Variants in OSBPL1A observed in about 807,000 individuals in gnomAD.
OSBPL1A encodes oxysterol binding protein like 1A, also known as oxysterol-binding protein-related protein 1.
Under a neutral mutation model 137.1 loss-of-function variants are expected in OSBPL1A, and 80 were observed. The ratio of observed to expected loss-of-function variants is 0.58; its 90% CI spans 0.49 to 0.70. The LOEUF is 0.70. Ranked by LOEUF, OSBPL1A falls within the 30% of genes least tolerant of loss-of-function variation. OSBPL1A has a pLI of 0.00. For synonymous variants in OSBPL1A, 365 were observed against 389.7 expected (o/e 0.94, Z 0.75); for missense variants, 970 against 1,129.4 (o/e 0.86, Z 2.02).
chr18:24,270,808 G>A (rs189359513), intron 15 of OSBPL1A, among the ~76,000 whole-genome samples: 1 of 151,584 alleles, frequency 6.6e-6, no homozygotes, highest in Admixed American at 6.6e-5. Context: ...TTTCTCTCTC[G>A]AAAAAGATTC....
intron 16 of OSBPL1A, among the ~76,000 whole-genome samples, chr18:24,229,666 T>A (rs1484606796): frequency 6.6e-6 from 1 of 152,216 alleles, no homozygotes; most frequent in Admixed American, 6.5e-5. Context: ...TCAAAGCCTA[T>A]CCATAGAAGT....
At chr18:24,268,470 A>G (rs1246243772) in intron 15 of OSBPL1A, among the ~76,000 whole-genome samples, 1 of 151,888 alleles carries the variant, frequency 6.6e-6, no homozygotes, top group Non-Finnish European at 1.5e-5. Context: ...ATGACCAACC[A>G]CCATGGCACA....
chr18:24,278,564 G>C (rs1201656310), intron 15 of OSBPL1A, among the ~76,000 whole-genome samples: 1 of 152,076 alleles, frequency 6.6e-6, no homozygotes, highest in South Asian at 2.1e-4. Context: ...TAAAGAATTA[G>C]GTTATTTTTT....
At chr18:24,308,820 T>C (rs2090559475) in intron 13 of OSBPL1A, among the ~76,000 whole-genome samples, 2 of 152,146 alleles carry the variant, frequency 1.3e-5, no homozygotes. Flanking sequence ...TGGAGTGCAG[T>C]GGCACAATCT....
In OSBPL1A at chr18:24,341,671, G is replaced by T. The variant is rs758092529; in HGVS notation, c.283-13C>A. ...GCATTACCAACTCCTAAAAATCAGA[G>T]AATTTATTTTTAACTATTAAGCTAA... On this transcript the variant is annotated splice_polypyrimidine_tract_variant and intron_variant, in intron 4 of 27. Transcript: ENST00000319481. The T allele has an allele frequency of 1.2e-5, 18 of 1,549,400 alleles. No individual in the cohort carries two copies. Among genetic ancestry groups the T allele is most frequent in the Admixed American group, 1.8e-5 (1 of 56,090 alleles).
intron 4 of OSBPL1A, among the ~76,000 whole-genome samples, chr18:24,363,936 C>G (rs961956752): frequency 6.6e-6 from 1 of 151,978 alleles, no homozygotes; most frequent in Non-Finnish European, 1.5e-5. Context: ...CTGTGTCCAG[C>G]CTCTCTTACA....
chr18:24,281,087 CT>C (rs371196234), intron 14 of OSBPL1A, 139 bp from the exon 15 acceptor site: 406 of 533,280 alleles, frequency 7.6e-4, no homozygotes, highest in South Asian at 1.4e-3. Context: ...TGTTTCTTTT[CT>C]TTTTTTTTGT....
chr18:24,280,430 A>G (rs572419001), intron 15 of OSBPL1A, among the ~76,000 whole-genome samples: 1 of 152,330 alleles, frequency 6.6e-6, no homozygotes, highest in South Asian at 2.1e-4. Flanking sequence ...AGGGTAAGAG[A>G]GTGAGGGGAA....
intron 2 of OSBPL1A, among the ~76,000 whole-genome samples, chr18:24,375,352 A>C (rs1025485009): frequency 4.9e-4 from 70 of 144,078 alleles, no homozygotes; most frequent in African/African-American, 1.6e-3. Flanking sequence ...AGACAGAAGT[A>C]CCCAAAGACT....
chr18:24,254,273 C>A (rs1184094947), intron 15 of OSBPL1A, among the ~76,000 whole-genome samples: 1 of 152,196 alleles, frequency 6.6e-6, no homozygotes, highest in Non-Finnish European at 1.5e-5. Flanking sequence ...ACCCCATTTT[C>A]AGCATTGGAC....
rs1416969655 is a variant in OSBPL1A, at chr18:24,314,317, T to G, written c.901A>C (p.Ile301Leu). 2 of 1,610,962 alleles carry G rather than the reference T, an allele frequency of 1.2e-6. No individual in the cohort carries two copies. The highest frequency in any genetic ancestry group is 1.3e-5 in the African/African-American group (1 of 74,786). Residue 301 changes from isoleucine (I) to leucine (L), a missense_variant, in exon 12 of 28, where the codon ATT becomes CTT. By Grantham distance (5) the Ile-to-Leu change is conservative. Around this residue, in one of 2 missense-constraint regions of OSBPL1A, gnomAD observed 647 missense variants for 672.6 expected, o/e 0.96. Transcript: ENST00000319481. ...VKSTDSCLFF[I>L]KCFDDTIHGF... ...TGAATGGTGTCATCAAAGCATTTAATAAAGAAGAGGCAGCTATCAGTGGAT... is the reference window on the plus strand; with the variant it reads ...TGAATGGTGTCATCAAAGCATTTAAGAAAGAAGAGGCAGCTATCAGTGGAT...
chr18:24,235,759 C>T (rs2088449171), intron 16 of OSBPL1A, among the ~76,000 whole-genome samples: 1 of 152,198 alleles, frequency 6.6e-6, no homozygotes, highest in Admixed American at 6.5e-5. Context: ...CTGTGGCAGT[C>T]AGCACAAGGG....
In OSBPL1A at chr18:24,172,436, T is replaced by G; in HGVS notation, c.2141A>C (p.Asn714Thr). 2 of 1,614,134 alleles carry G rather than the reference T, an allele frequency of 1.2e-6. No homozygotes were observed. Among genetic ancestry groups the G allele is most frequent in the Non-Finnish European group, 1.7e-6 (2 of 1,179,992 alleles). The change falls in exon 22 of 28, where the codon AAT becomes ACT. Residue 714 changes from asparagine (N) to threonine (T), a missense_variant. Coordinates refer to ENST00000319481, the MANE Select transcript of OSBPL1A (RefSeq NM_080597.4). ...GATCCACAGTTTACCCACAATGATA[T>G]TATGCACACAGCAGGTGGGATTTGT... ...TWTNPTCCVH[N>T]IIVGKLWIEQ...
intron 15 of OSBPL1A, among the ~76,000 whole-genome samples, chr18:24,243,602 C>T (rs28403299): frequency 0.12 from 18,550 of 152,192 alleles, 2,245 homozygotes; most frequent in African/African-American, 0.32. Flanking sequence ...CTACCCGTTA[C>T]CCACCTAAAA....
At chr18:24,376,955 G>T (rs577235823) in intron 2 of OSBPL1A, among the ~76,000 whole-genome samples, 2 of 152,196 alleles carry the variant, frequency 1.3e-5, no homozygotes, top group African/African-American at 4.8e-5. Context: ...CCTGGTTCCC[G>T]CTAGCGCCTC....
intron 17 of OSBPL1A, among the ~76,000 whole-genome samples, chr18:24,215,846 G>C (rs955262703): frequency 6.6e-6 from 1 of 152,192 alleles, no homozygotes. Context: ...AAAATCTTGT[G>C]TTCACGTGTG....
chr18:24,234,462 T>C (rs749964186), intron 16 of OSBPL1A, among the ~76,000 whole-genome samples: 2 of 152,232 alleles, frequency 1.3e-5, no homozygotes, highest in Non-Finnish European at 2.9e-5. Context: ...GTGTGCTTTA[T>C]GGAGTTTTAT....
intron 16 of OSBPL1A, among the ~76,000 whole-genome samples, chr18:24,228,375 C>A (rs2088159570): frequency 6.6e-6 from 1 of 151,886 alleles, no homozygotes; most frequent in Admixed American, 6.6e-5. Flanking sequence ...CCCCACCCTT[C>A]CCCTAAAGGG....
At chr18:24,287,559 G>C (rs930164155) in intron 14 of OSBPL1A, among the ~76,000 whole-genome samples, 1 of 152,142 alleles carries the variant, frequency 6.6e-6, no homozygotes, top group Non-Finnish European at 1.5e-5. Flanking sequence ...GATCACCTGA[G>C]ATCAGGAGTT....
Sources: allele counts gnomAD v4.1 joint callset (sites outside exome capture counted in the v4.1 genomes callset), GRCh38; gene constraint gnomAD v4.1.1; regional missense constraint gnomAD v4.1.1; transcripts MANE v1.5; gene names NCBI Gene and HGNC (gene_info 2026-07-23, HGNC 2026-07-21).